The following CPB2 variants were observed in gnomAD, a reference collection of about 807,000 sequenced individuals.
CPB2 encodes carboxypeptidase B-like protein.
A neutral mutation model predicts 57.0 loss-of-function variants in CPB2; 54 were observed. The ratio of observed to expected loss-of-function variants is 0.95; its 90% CI spans 0.76 to 1.19. CPB2 has a LOEUF of 1.19. Among genes scored for constraint, CPB2 ranks in the 50% most tolerant of loss-of-function variants. The probability of loss-of-function intolerance (pLI) is 0.00; values close to 1 mark genes in which losing one functional copy is unlikely to be tolerated. For synonymous variants in CPB2, 189 were observed against 178.1 expected (o/e 1.06, Z -0.49); for missense variants, 426 against 512.0 (o/e 0.83, Z 1.62).
chr13:46,065,364 C>T (rs554940118), intron 7 of CPB2, among the ~76,000 whole-genome samples: 2 of 152,202 alleles, frequency 1.3e-5, no homozygotes, highest in East Asian at 3.9e-4. Flanking sequence ...CGGTGGCTCA[C>T]GCCTGTAATC....
At position 46,060,887 on chromosome 13, in the gene CPB2, A is replaced by C. The variant is rs367806716; in HGVS notation, c.797-2506T>G. Among the ~76,000 whole-genome samples, 49 of 152,306 alleles carry C rather than the reference A, an allele frequency of 3.2e-4. No individual in the cohort carries two copies. In the East Asian group the frequency reaches 6.4e-3, roughly 20 times the overall value. On this transcript the variant is annotated intron_variant, in intron 8 of 10. Coordinates refer to ENST00000181383, the MANE Select transcript of CPB2 (RefSeq NM_001872.5). The stretch of plus-strand genomic sequence containing the variant: ...CAGCCTCAGGGGCCTCATCTGTACC[A>C]GGAAGGAACTTGGGCCACTGGATCC...
rs200826009 is a variant in CPB2 at position 46,053,815 on chromosome 13, G to C, written c.1088-17C>G. 6 of 1,598,816 alleles carry C rather than the reference G, an allele frequency of 3.8e-6. No individual in the cohort carries two copies. Among genetic ancestry groups the C allele is most frequent in the Non-Finnish European group, 4.3e-6 (5 of 1,168,534 alleles). The stretch of plus-strand genomic sequence containing the variant: ...GAGCTAGGTCTAAAAGAAGAAGAAA[G>C]AAATTGTTGAAATACAGACGTTTCA... On this transcript the variant is annotated splice_polypyrimidine_tract_variant and intron_variant, in intron 10 of 10. Transcript: ENST00000181383.
Position 46,078,847 on chromosome 13 carries a change from T to C in CPB2, c.439A>G (p.Ile147Val). 1 of 1,612,530 alleles carries C rather than the reference T, an allele frequency of 6.2e-7. No individual in the cohort carries two copies. Among genetic ancestry groups the C allele is most frequent in the Non-Finnish European group, 8.5e-7 (1 of 1,178,806 alleles). ...TTCTCAAATGAGGATCCAATGTGGA[T>C]TTTTGTAAGCATATCAGGATGCCTC... ...TERHPDMLTK[I>V]HIGSSFEKYP... The change falls in exon 5 of 11, where the codon ATC (isoleucine) becomes GTC (valine). Residue 147 changes from isoleucine to valine, a missense_variant. By Grantham distance (29) the Ile-to-Val change is conservative. Transcript: ENST00000181383.
rs145262149 is a variant in CPB2 at position 46,064,709 on chromosome 13, A to G, written c.735T>C (p.Tyr245=). The G allele has an allele frequency of 1.3e-3, 2,090 of 1,614,188 alleles. 5 individuals carry two copies. The highest frequency in any genetic ancestry group is 7.1e-3 in the Middle Eastern group (43 of 6,062). ...CTGTTCCGATGCAATGATTGTTCGC[A>G]TAGAAAGAACGGTTCTTTCTCCACA... ...NRMWRKNRSF[Y]ANNHCIGTDL... is the part of the protein sequence containing the mutation. The change falls in exon 8 of 11, where the codon TAT becomes TAC. Residue 245 remains tyrosine (Y), a synonymous_variant. Transcript: ENST00000181383.
chr13:46,068,889 T>C (rs9562636), intron 6 of CPB2, among the ~76,000 whole-genome samples: 52,236 of 152,030 alleles, frequency 0.34, 9,204 homozygotes, highest in African/African-American at 0.39. Context: ...CATTTTTATG[T>C]TACGAATTTA....
intron 5 of CPB2, among the ~76,000 whole-genome samples, chr13:46,077,779 C>T (rs2045045686): frequency 6.6e-6 from 1 of 152,086 alleles, no homozygotes; most frequent in Non-Finnish European, 1.5e-5. Context: ...ATTACTCAGG[C>T]ATTAAAAGGA....
chr13:46,088,314 G>A (rs2045241273), intron 1 of CPB2, among the ~76,000 whole-genome samples: 1 of 152,030 alleles, frequency 6.6e-6, no homozygotes, highest in Non-Finnish European at 1.5e-5. Context: ...TCATTCCCTT[G>A]TTTTTCTTTA....
chr13:46,077,532 TA>T (rs2045041761), intron 5 of CPB2, among the ~76,000 whole-genome samples: 1 of 152,068 alleles, frequency 6.6e-6, no homozygotes, highest in South Asian at 2.1e-4. Flanking sequence ...CTCAAAAAAC[TA>T]AAAATGGAAC....
intron 6 of CPB2, 26 bp from the exon 7 acceptor site, chr13:46,067,443 A>T (rs1212210390): frequency 7.2e-6 from 8 of 1,113,408 alleles, no homozygotes; most frequent in Non-Finnish European, 1.1e-5. Context: ...AGTATATTTA[A>T]TTAGATGTTT....
intron 2 of CPB2, among the ~76,000 whole-genome samples, chr13:46,085,246 T>G (rs911571795): frequency 6.6e-6 from 1 of 152,198 alleles, no homozygotes; most frequent in Non-Finnish European, 1.5e-5. Context: ...GTGAAGAAAT[T>G]AAGGTTCATA....
At chr13:46,059,657 C>T (rs113423855) in intron 8 of CPB2, among the ~76,000 whole-genome samples, 1 of 151,992 alleles carries the variant, frequency 6.6e-6, no homozygotes, top group African/African-American at 2.4e-5. Context: ...GTGTGCATCA[C>T]AGAGATGAGA....
intron 7 of CPB2, 143 bp downstream of exon 7, chr13:46,067,164 A>G (rs987974008): frequency 6.9e-5 from 35 of 509,684 alleles, no homozygotes; most frequent in Admixed American, 4.5e-4. Context: ...TTATATATAT[A>G]TTTGACATTT....
At chr13:46,084,198 T>C (rs758426100) in intron 3 of CPB2, 21 bp downstream of exon 3, 80 of 1,613,270 alleles carry the variant, frequency 5.0e-5, no homozygotes, top group Non-Finnish European at 1.0e-5. Flanking sequence ...AACTACTCAA[T>C]ACGTATTGAA....
chr13:46,082,686 A>T (rs1309458428), intron 3 of CPB2, 137 bp from the exon 4 acceptor site: 3 of 548,310 alleles, frequency 5.5e-6, no homozygotes, highest in African/African-American at 3.8e-5. Flanking sequence ...TCAAGGTAAA[A>T]GTAAGACATC....
chr13:46,078,156 T>C (rs958233985), intron 5 of CPB2, among the ~76,000 whole-genome samples: 20 of 152,064 alleles, frequency 1.3e-4, no homozygotes, highest in African/African-American at 4.6e-4. Flanking sequence ...AAACATCACA[T>C]GTGAGGAGGG....
intron 4 of CPB2, among the ~76,000 whole-genome samples, chr13:46,079,596 C>CA (rs1270341041): frequency 6.7e-6 from 1 of 150,082 alleles, no homozygotes; most frequent in Admixed American, 6.6e-5. Flanking sequence ...TTTAGGCTAG[C>CA]ACCCACTTCA....
At chr13:46,086,233 G>A (rs2045201985) in intron 2 of CPB2, among the ~76,000 whole-genome samples, 1 of 152,136 alleles carries the variant, frequency 6.6e-6, no homozygotes, top group Non-Finnish European at 1.5e-5. Flanking sequence ...CCCACAACGT[G>A]GCAAGCAAGG....
At chr13:46,068,053 G>A (rs1226533924) in intron 6 of CPB2, among the ~76,000 whole-genome samples, 1 of 152,228 alleles carries the variant, frequency 6.6e-6, no homozygotes, top group Non-Finnish European at 1.5e-5. Flanking sequence ...TTTGGTGACT[G>A]AGAAGTTTAC....
chr13:46,087,026 G>C (rs1188447381), intron 2 of CPB2, among the ~76,000 whole-genome samples: 1 of 152,242 alleles, frequency 6.6e-6, no homozygotes, highest in East Asian at 1.9e-4. Flanking sequence ...GTCCTTCTCA[G>C]AACACTGAGA....
Sources: allele counts gnomAD v4.1 joint callset (sites outside exome capture counted in the v4.1 genomes callset), GRCh38; gene constraint gnomAD v4.1.1; transcripts MANE v1.5; gene names NCBI Gene and HGNC (gene_info 2026-07-23, HGNC 2026-07-21).